The following EHD4 variants were observed in gnomAD, a reference collection of about 807,000 sequenced individuals.
EHD4 encodes the protein EH domain-containing protein 4.
A neutral mutation model predicts 51.0 loss-of-function variants in EHD4; 37 were observed. The observed-to-expected ratio is 0.73, with a 90% CI of 0.56 to 0.95. The LOEUF (loss-of-function observed/expected upper bound fraction) is 0.95, where lower values mean the gene tolerates loss of function less well. EHD4 is among the 40% of genes least tolerant of loss of function. The pLI, the probability that EHD4 is intolerant of heterozygous loss-of-function variation, is 0.00. For missense variants in EHD4, 632 were observed against 733.1 expected, an observed-to-expected ratio of 0.86 and a Z score of 1.59; for synonymous variants, 297 against 317.3, an observed-to-expected ratio of 0.94 and a Z score of 0.68.
At chr15:41,905,050 T>G (rs185504498) in intron 5 of EHD4, among the ~76,000 whole-genome samples, 5 of 152,356 alleles carry the variant, frequency 3.3e-5, no homozygotes, top group Admixed American at 3.3e-4. Flanking sequence ...CCCTGATATG[T>G]GCAAAGATCA....
intron 1 of EHD4, among the ~76,000 whole-genome samples, chr15:41,965,023 T>C (rs1055501461): frequency 2.0e-5 from 3 of 152,126 alleles, no homozygotes; most frequent in African/African-American, 4.8e-5. Context: ...TTGTCCACCT[T>C]GGCCTCCCAA....
chr15:41,923,364 G>C (rs16972274), intron 3 of EHD4, among the ~76,000 whole-genome samples: 5,007 of 152,252 alleles, frequency 0.033, 301 homozygotes, highest in African/African-American at 0.12. Context: ...GTGTCATGAA[G>C]GACTCAGGCG....
chr15:41,952,512 A>C lies in EHD4; in HGVS notation c.413+1252T>G, dbSNP rs1198461032. On this transcript the variant is annotated intron_variant, in intron 2 of 5. Transcript: ENST00000220325. ...ATAGGAGGTGCAGGAGGGAGGAAGGAAGGCAGATCCAGTGGGAAAGGGCAG... is the reference window on the plus strand; with the variant it reads ...ATAGGAGGTGCAGGAGGGAGGAAGGCAGGCAGATCCAGTGGGAAAGGGCAG... Among the ~76,000 whole-genome samples the C allele has an allele frequency of 3.3e-5, 5 of 152,246 alleles. No homozygotes were observed. The South Asian group carries it at 1.0e-3, about 32-fold the overall frequency.
chr15:41,914,807 A>C (rs1368088158), intron 4 of EHD4, among the ~76,000 whole-genome samples: 20 of 125,988 alleles, frequency 1.6e-4, no homozygotes, highest in East Asian at 2.1e-4. Context: ...TTTTTTTGAA[A>C]TGGAGTCTTG....
chr15:41,954,004 G>A, intron 1 of EHD4, 64 bp from the exon 2 acceptor site: 1 of 1,556,884 alleles, frequency 6.4e-7, no homozygotes, highest in Non-Finnish European at 8.7e-7. Flanking sequence ...CCAGAAAGCT[G>A]CCTGGGATTA....
At chr15:41,933,721 T>C (rs1166607522) in intron 3 of EHD4, among the ~76,000 whole-genome samples, 1 of 152,202 alleles carries the variant, frequency 6.6e-6, no homozygotes, top group Non-Finnish European at 1.5e-5. Flanking sequence ...GTAACAGGAA[T>C]GTCCCCATAA....
intron 1 of EHD4, among the ~76,000 whole-genome samples, chr15:41,964,299 A>G (rs1464820315): frequency 6.6e-6 from 1 of 152,152 alleles, no homozygotes; most frequent in African/African-American, 2.4e-5. Context: ...ACAAATTAAA[A>G]TAAGTCTGTT....
At chr15:41,902,396 C>T (rs967992472) in intron 5 of EHD4, among the ~76,000 whole-genome samples, 3 of 152,134 alleles carry the variant, frequency 2.0e-5, no homozygotes, top group African/African-American at 7.2e-5. Context: ...TCCACCTACC[C>T]GACCAACTTT....
At chr15:41,959,284 T>C (rs2141007509) in intron 1 of EHD4, among the ~76,000 whole-genome samples, 1 of 151,484 alleles carries the variant, frequency 6.6e-6, no homozygotes, top group Non-Finnish European at 1.5e-5. Flanking sequence ...TAGTCCCAGC[T>C]ACTCGGGAGG....
At chr15:41,905,755 C>T (rs1185080709) in intron 5 of EHD4, among the ~76,000 whole-genome samples, 2 of 152,304 alleles carry the variant, frequency 1.3e-5, no homozygotes, top group Admixed American at 6.5e-5. Context: ...ATAGCAGCCT[C>T]GACCTCCGGG....
intron 3 of EHD4, among the ~76,000 whole-genome samples, chr15:41,922,810 C>A (rs1195057134): frequency 6.6e-6 from 1 of 152,198 alleles, no homozygotes; most frequent in Non-Finnish European, 1.5e-5. Flanking sequence ...AGGTACATAT[C>A]CATATTTTCT....
At chr15:41,909,989 C>T in intron 4 of EHD4, 126 bp from the exon 5 acceptor site, 2 of 1,253,202 alleles carry the variant, frequency 1.6e-6, no homozygotes, top group Non-Finnish European at 2.2e-6. Flanking sequence ...GTCCCAAGGA[C>T]AGGAGGAGGG....
rs1452839783 is a variant in EHD4 at position 41,898,012 on chromosome 15, G to A, written c.*2633C>T. 1.3e-5 allele frequency: 2 copies of A among 152,222 alleles called. No homozygotes were observed. The highest frequency in any genetic ancestry group is 2.9e-5 in the Non-Finnish European group (2 of 68,048). The allele number at this position is 152,222 out of a possible 1,614,324, so 9.4% of individuals were successfully genotyped here. ...GGACACATTCACAGAACTTTGTACTGGTCCTGGGAAGATACAAGTCCTCAC... is the reference window on the plus strand; with the variant it reads ...GGACACATTCACAGAACTTTGTACTAGTCCTGGGAAGATACAAGTCCTCAC... On this transcript the variant is annotated 3_prime_UTR_variant, in exon 6 of 6. Transcript: ENST00000220325.
chr15:41,923,445 G>C (rs1008533313), intron 3 of EHD4, among the ~76,000 whole-genome samples: 2 of 152,198 alleles, frequency 1.3e-5, no homozygotes, highest in Admixed American at 6.5e-5. Context: ...GCCTGCTAAA[G>C]GAAAACGGTG....
At chr15:41,914,026 C>A (rs921944549) in intron 4 of EHD4, among the ~76,000 whole-genome samples, 9 of 143,460 alleles carry the variant, frequency 6.3e-5, no homozygotes, top group African/African-American at 2.4e-4. Flanking sequence ...ACACAGATCT[C>A]ATTGTGTCCA....
At chr15:41,956,974 G>T (rs767769981) in intron 1 of EHD4, among the ~76,000 whole-genome samples, 1 of 152,186 alleles carries the variant, frequency 6.6e-6, no homozygotes, top group Non-Finnish European at 1.5e-5. Flanking sequence ...ATATGTTGGT[G>T]GGGGAATAAG....
chr15:41,909,209 C>T (rs144692188), intron 5 of EHD4, among the ~76,000 whole-genome samples: 89 of 152,378 alleles, frequency 5.8e-4, no homozygotes, highest in South Asian at 4.3e-3. Flanking sequence ...AAGCACAGTC[C>T]TCCCTGTGCC....
intron 5 of EHD4, among the ~76,000 whole-genome samples, chr15:41,906,296 C>T (rs1263346533): frequency 6.6e-6 from 1 of 152,176 alleles, no homozygotes; most frequent in African/African-American, 2.4e-5. Flanking sequence ...TGCATACTCA[C>T]AAATCAATCA....
At chr15:41,943,237 C>T in intron 2 of EHD4, 73 bp from the exon 3 acceptor site, 2 of 1,183,516 alleles carry the variant, frequency 1.7e-6, no homozygotes, top group Admixed American at 2.1e-5. Context: ...GGCTTCTTGG[C>T]CTCTCTGGGC....
Sources: allele counts gnomAD v4.1 joint callset (sites outside exome capture counted in the v4.1 genomes callset), GRCh38; gene constraint gnomAD v4.1.1; transcripts MANE v1.5; gene names NCBI Gene and HGNC (gene_info 2026-07-23, HGNC 2026-07-21).